Variants in VWA2 observed in about 807,000 individuals in gnomAD.
VWA2 encodes the protein von Willebrand factor A domain containing 2, also known as von Willebrand factor A domain-containing protein 2.
VWA2 carries 73 observed loss-of-function variants against 70.4 expected under a neutral mutation model. The observed-to-expected ratio is 1.04, with a 90% CI of 0.86 to 1.26. The LOEUF is 1.26. Among genes scored for constraint, VWA2 ranks in the 50% most tolerant of loss-of-function variants. The probability of loss-of-function intolerance (pLI) is 0.00; values close to 1 mark genes in which losing one functional copy is unlikely to be tolerated. For synonymous variants in VWA2, 407 were observed against 423.3 expected (o/e 0.96, Z 0.47); for missense variants, 1,011 against 998.5 (o/e 1.01, Z -0.17).
rs956075632 is a variant in VWA2, at chr10:114,266,782, C to A, written c.371+5487C>A. On this transcript the variant is annotated intron_variant, in intron 5 of 13. Coordinates refer to ENST00000392982, the MANE Select transcript of VWA2 (RefSeq NM_001272046.2). ...TGAATTTTTTGGACTCCCTCCATAG[C>A]TTTGTCTCCACTTTACCTTGGCAGA... 2.6e-5 allele frequency among the ~76,000 whole-genome samples: 4 copies of A among 152,168 alleles called. No individual in the cohort carries two copies. The East Asian group carries it at 7.7e-4, about 29-fold the overall frequency.
chr10:114,284,758 G>A, intron 9 of VWA2, 105 bp from the exon 10 acceptor site: 1 of 1,046,630 alleles, frequency 9.6e-7, no homozygotes, highest in Non-Finnish European at 1.4e-6. Flanking sequence ...GGGAGGGGCT[G>A]GGCCACTGCT....
chr10:114,270,554 T>C (rs1475326426), intron 5 of VWA2, among the ~76,000 whole-genome samples: 1 of 152,214 alleles, frequency 6.6e-6, no homozygotes, highest in Non-Finnish European at 1.5e-5. Context: ...AACAGGTGTG[T>C]GTGTGTAGTG....
intron 4 of VWA2, among the ~76,000 whole-genome samples, chr10:114,255,936 C>CA (rs200849627): frequency 7.9e-5 from 12 of 151,616 alleles, no homozygotes; most frequent in South Asian, 4.2e-4. Flanking sequence ...ACTGGGTTAG[C>CA]AAAAAAAATC....
At chr10:114,253,946 G>A (rs1339914336) in intron 3 of VWA2, among the ~76,000 whole-genome samples, 1 of 151,908 alleles carries the variant, frequency 6.6e-6, no homozygotes, top group African/African-American at 2.4e-5. Context: ...GGAGGCTGAG[G>A]CAGGAGAATT....
intron 9 of VWA2, among the ~76,000 whole-genome samples, chr10:114,284,020 C>T (rs1017932936): frequency 3.3e-4 from 50 of 152,210 alleles, no homozygotes; most frequent in Non-Finnish European, 5.7e-4. Context: ...ACATGAAGAC[C>T]TTGTTTGTTT....
chr10:114,258,276 T>A (rs1017576438), intron 4 of VWA2, among the ~76,000 whole-genome samples: 22 of 152,242 alleles, frequency 1.4e-4, no homozygotes, highest in African/African-American at 5.3e-4. Context: ...TTTTTTTAAC[T>A]TTAGTTTTCA....
At chr10:114,250,867 G>A (rs2037181842) in intron 2 of VWA2, among the ~76,000 whole-genome samples, 1 of 152,206 alleles carries the variant, frequency 6.6e-6, no homozygotes. Flanking sequence ...TTTGCCTTCT[G>A]TGGCCCTGTC....
chr10:114,245,100 C>G (rs935771860), intron 1 of VWA2, among the ~76,000 whole-genome samples: 1 of 152,204 alleles, frequency 6.6e-6, no homozygotes, highest in African/African-American at 2.4e-5. Flanking sequence ...GCAGAAGTTG[C>G]AGAGCCAACA....
rs888644191 is a variant in VWA2 at position 114,294,047 on chromosome 10, A to AT, written c.*2816dup. On this transcript the variant is annotated 3_prime_UTR_variant, in exon 14 of 14. Transcript: ENST00000392982. Reference sequence around the variant, plus strand: ...TGCTTTTTCTTCCTCAAGATAATGCATTTTTTGTATTATCTGTTAATGTGA... The same window carrying AT: ...TGCTTTTTCTTCCTCAAGATAATGCATTTTTTTGTATTATCTGTTAATGTGA... Among the ~76,000 whole-genome samples the AT allele has an allele frequency of 4.6e-5, 7 of 152,256 alleles. No homozygotes were observed. The East Asian group carries it at 1.3e-3, about 29-fold the overall frequency.
At chr10:114,287,381 A>G (rs1050519341) in intron 11 of VWA2, among the ~76,000 whole-genome samples, 1 of 152,074 alleles carries the variant, frequency 6.6e-6, no homozygotes, top group Non-Finnish European at 1.5e-5. Flanking sequence ...TGGTCTTGCT[A>G]TGTTGCCCAG....
Position 114,271,608 on chromosome 10 carries a change from A to AC in VWA2, c.372-1132_372-1131insC, listed in dbSNP as rs2037711035. Among the ~76,000 whole-genome samples the AC allele has an allele frequency of 1.1e-4, 16 of 144,794 alleles. No individual in the cohort carries two copies. The South Asian group carries it at 1.6e-3, about 14-fold the overall frequency. The allele number at this position is 144,794 out of a possible 152,430, so 95.0% of individuals were successfully genotyped here. On this transcript the variant is annotated intron_variant, in intron 5 of 13. Coordinates refer to ENST00000392982, the MANE Select transcript of VWA2 (RefSeq NM_001272046.2). ...ATGTCAGACTTGCATGAGAAGTAAA[A>AC]ACACACACACACACACACACACACA... is the stretch of plus-strand genomic sequence containing the variant.
In VWA2 at chr10:114,248,745, G is replaced by A. The variant is rs34774573; in HGVS notation, c.32G>A (p.Cys11Tyr). Residue 11 changes from cysteine (C) to tyrosine (Y), a missense_variant, in exon 2 of 14, where the codon TGT becomes TAT. Coordinates refer to ENST00000392982, the MANE Select transcript of VWA2 (RefSeq NM_001272046.2). ...CCTTTCCTGTTGCTGGAAGCCGTCT[G>A]TGTTTTCCTGTTTTCCAGAGGTAAG... Reference protein sequence around the residue: MPPFLLLEAVCVFLFSRVPPS... With the variant: MPPFLLLEAVYVFLFSRVPPS... 1.2e-6 allele frequency: 2 copies of A among 1,613,596 alleles called. No individual in the cohort carries two copies. The highest frequency in any genetic ancestry group is 1.3e-5 in the African/African-American group (1 of 74,872).
intron 2 of VWA2, among the ~76,000 whole-genome samples, chr10:114,249,404 C>T (rs1323206856): frequency 6.6e-6 from 1 of 152,126 alleles, no homozygotes; most frequent in Admixed American, 6.5e-5. Flanking sequence ...GAGAGGCACG[C>T]ACCACCACAC....
rs75028145 is a variant in VWA2 at position 114,255,010 on chromosome 10, A to T, written c.223A>T (p.Ile75Phe). ...CTTTGAAAGGTCCAAGCACTTTGCCATCACAGTCTGTGACGGTCTGGACAT... is the reference window on the plus strand; with the variant it reads ...CTTTGAAAGGTCCAAGCACTTTGCCTTCACAGTCTGTGACGGTCTGGACAT... ...GSFERSKHFA[I>F]TVCDGLDISP... Residue 75 changes from isoleucine to phenylalanine, a missense_variant, in exon 4 of 14, where the codon ATC becomes TTC. Ile to Phe is a conservative substitution (Grantham distance 21). Transcript: ENST00000392982. 5,618 of 1,613,002 alleles carry T rather than the reference A, an allele frequency of 3.5e-3. 97 individuals are homozygous for T. In the East Asian group the frequency reaches 0.049, roughly 14 times the overall value.
chr10:114,243,280 G>A (rs978013004), intron 1 of VWA2, among the ~76,000 whole-genome samples: 19 of 152,076 alleles, frequency 1.2e-4, no homozygotes, highest in Non-Finnish European at 4.4e-5. Flanking sequence ...TTCTTGGTGC[G>A]GACTTTTGGT....
intron 12 of VWA2, 187 bp downstream of exon 12, chr10:114,289,676 A>T: frequency 1.6e-6 from 1 of 642,706 alleles, no homozygotes; most frequent in Non-Finnish European, 2.7e-6. Context: ...ATCCTATTTG[A>T]CATTTAAGGT....
At chr10:114,289,595 C>T (rs1160738862) in intron 12 of VWA2, 106 bp downstream of exon 12, 1 of 1,328,138 alleles carries the variant, frequency 7.5e-7, no homozygotes, top group East Asian at 2.3e-5. Context: ...AGCTACTGAG[C>T]ACTTGCTTCC....
rs1459011375 is a variant in VWA2, at chr10:114,291,393, C to A, written c.*156C>A. 9 of 836,534 alleles carry A rather than the reference C, an allele frequency of 1.1e-5. No individual in the cohort carries two copies. The highest frequency in any genetic ancestry group is 1.6e-5 in the Non-Finnish European group (9 of 560,696). The allele number at this position is 836,534 out of a possible 1,614,324, so 51.8% of individuals were successfully genotyped here. A position where few individuals can be genotyped will look rare whatever the true frequency, so the allele number is the denominator to read the frequency against. ...GCCGTGGCCAGGACCACTATTCTCA[C>A]TGAGGGAGGAGGATGTCCCAACTGC... On this transcript the variant is annotated 3_prime_UTR_variant, in exon 14 of 14. Coordinates refer to ENST00000392982, the MANE Select transcript of VWA2 (RefSeq NM_001272046.2).
chr10:114,279,596 C>T (rs547123503), intron 8 of VWA2, among the ~76,000 whole-genome samples: 125 of 152,304 alleles, frequency 8.2e-4, no homozygotes, highest in African/African-American at 2.9e-3. Context: ...CTGGGAAAGG[C>T]CAGCCCCCTA....
Sources: allele counts gnomAD v4.1 joint callset (sites outside exome capture counted in the v4.1 genomes callset), GRCh38; gene constraint gnomAD v4.1.1; transcripts MANE v1.5; gene names NCBI Gene and HGNC (gene_info 2026-07-23, HGNC 2026-07-21).